Variants in CEP83 observed in about 807,000 individuals in gnomAD.
CEP83 encodes the protein centrosomal protein of 83 kDa.
Under a neutral mutation model 101.9 loss-of-function variants are expected in CEP83, and 70 were observed. The observed-to-expected ratio is 0.69, with a 90% CI of 0.57 to 0.84. CEP83 has a LOEUF of 0.84. Ranked by LOEUF, CEP83 falls within the 40% of genes least tolerant of loss-of-function variation. CEP83 has a pLI of 0.00. For synonymous variants in CEP83, 264 were observed against 267.9 expected, an observed-to-expected ratio of 0.99 and a Z score of 0.14; for missense variants, 715 against 787.2, an observed-to-expected ratio of 0.91 and a Z score of 1.10.
chr12:94,448,193 A>C (rs970743786), intron 1 of CEP83, among the ~76,000 whole-genome samples: 2 of 152,172 alleles, frequency 1.3e-5, no homozygotes, highest in Admixed American at 6.5e-5. Flanking sequence ...ATAGATTTTA[A>C]GATAAGAAAT....
chr12:94,280,789 G>T, the CEP83 span, among the ~76,000 whole-genome samples: 2 of 152,322 alleles, frequency 1.3e-5, no homozygotes, highest in South Asian at 4.1e-4. Flanking sequence ...CGACAGTCTT[G>T]GTCCTGCCGC....
intron 11 of CEP83, among the ~76,000 whole-genome samples, chr12:94,349,989 A>G (rs2060127679): frequency 6.6e-6 from 1 of 152,230 alleles, no homozygotes; most frequent in African/African-American, 2.4e-5. Flanking sequence ...GCTAACAGAA[A>G]TTAAAGAAGA....
intron 2 of CEP83, chr12:94,424,535 G>C: frequency 6.2e-7 from 1 of 1,613,584 alleles, no homozygotes; most frequent in Non-Finnish European, 8.5e-7. Flanking sequence ...CTCATCCATT[G>C]ACAGTGGGAG....
intron 4 of CEP83, 62 bp downstream of exon 4, chr12:94,411,631 CTACT>C: frequency 3.2e-6 from 4 of 1,239,604 alleles, no homozygotes; most frequent in Middle Eastern, 1.9e-4. Context: ...TTCACCAAAA[CTACT>C]TACTTCCACT....
intron 12 of CEP83, among the ~76,000 whole-genome samples, chr12:94,333,940 A>C (rs1206811324): frequency 4.6e-5 from 7 of 152,084 alleles, no homozygotes; most frequent in Admixed American, 4.6e-4. Context: ...ATTAGCAGTG[A>C]GATGAGAAAA....
At chr12:94,317,544 T>C (rs1970907933) in intron 14 of CEP83, among the ~76,000 whole-genome samples, 1 of 152,202 alleles carries the variant, frequency 6.6e-6, no homozygotes, top group Non-Finnish European at 1.5e-5. Context: ...TTTATAGTTT[T>C]GGATTTTACA....
chr12:94,340,148 C>A (rs1249834110), intron 11 of CEP83, among the ~76,000 whole-genome samples: 2 of 152,024 alleles, frequency 1.3e-5, no homozygotes, highest in African/African-American at 4.8e-5. Flanking sequence ...AACAGAAAGC[C>A]CCAAATGGGA....
intron 14 of CEP83, among the ~76,000 whole-genome samples, chr12:94,322,370 G>C (rs1034072074): frequency 6.6e-6 from 1 of 151,880 alleles, no homozygotes; most frequent in Non-Finnish European, 1.5e-5. Context: ...TGGAAACCCT[G>C]GTCAAAAGGT....
At chr12:94,313,527 TA>T (rs58864740) in intron 14 of CEP83, among the ~76,000 whole-genome samples, 38,168 of 95,486 alleles carry the variant, frequency 0.4, 6,509 homozygotes, top group East Asian at 0.54. Flanking sequence ...AAGAACCCAT[TA>T]AAAAAAAAAA....
At chr12:94,328,438 A>G (rs1593179096) in intron 14 of CEP83, 1 of 155,006 alleles carries the variant, frequency 6.5e-6, no homozygotes, top group Admixed American at 6.5e-5. Context: ...GAGCCATCTT[A>G]CCCAGCCTCA....
chr12:94,417,391 CCT>C (rs1164280089), intron 2 of CEP83, among the ~76,000 whole-genome samples: 1 of 152,052 alleles, frequency 6.6e-6, no homozygotes, highest in Non-Finnish European at 1.5e-5. Context: ...GGTAGTATGC[CCT>C]CTTTCCTCTA....
chr12:94,411,197 G>C (rs1365123043), intron 4 of CEP83, among the ~76,000 whole-genome samples: 2 of 152,088 alleles, frequency 1.3e-5, no homozygotes, highest in South Asian at 2.1e-4. Flanking sequence ...ATGATCTAAA[G>C]AAACTGTACT....
At chr12:94,271,244 T>C in the CEP83 span, among the ~76,000 whole-genome samples, 5 of 152,214 alleles carry the variant, frequency 3.3e-5, no homozygotes, top group Non-Finnish European at 5.9e-5. Flanking sequence ...TAATAAATTA[T>C]CTTACAGTTA....
At chr12:94,276,818 C>G in the CEP83 span, 2 of 152,246 alleles carry the variant, frequency 1.3e-5, no homozygotes, top group Non-Finnish European at 2.9e-5. Context: ...GGCCTTTGAA[C>G]CCCTTCCTAG....
rs1000135083 is a variant in CEP83 at position 94,449,782 on chromosome 12, A to T, written c.-155+9775T>A. Reference sequence around the variant, plus strand: ...AGCAAGAGTCTGTCTCAAACAATAAAAAAAAAAAAAAAAAAAAAAAAAAAA... The same window carrying T: ...AGCAAGAGTCTGTCTCAAACAATAATAAAAAAAAAAAAAAAAAAAAAAAAA... On this transcript the variant is annotated intron_variant, in intron 1 of 16. Coordinates refer to ENST00000397809, the MANE Select transcript of CEP83 (RefSeq NM_016122.3). Among the ~76,000 whole-genome samples the T allele has an allele frequency of 3.2e-5, 4 of 125,984 alleles. No individual in the cohort carries two copies. In the East Asian group the frequency reaches 9.2e-4, roughly 29 times the overall value. The allele number at this position is 125,984 out of a possible 152,430, so 82.7% of individuals were successfully genotyped here.
intron 2 of CEP83, among the ~76,000 whole-genome samples, chr12:94,413,861 CACACAT>C (rs778825074): frequency 4.8e-4 from 70 of 147,146 alleles, no homozygotes; most frequent in Non-Finnish European, 7.7e-4. Flanking sequence ...CACACACACA[CACACAT>C]ACATACATAT....
chr12:94,307,142 T>C (rs1969121968), downstream of CEP83: 1 of 152,228 alleles, frequency 6.6e-6, no homozygotes, highest in African/African-American at 2.4e-5. Context: ...TGTCCAGCTT[T>C]CTGGCACATG....
intron 11 of CEP83, among the ~76,000 whole-genome samples, chr12:94,363,135 A>G (rs1326329377): frequency 6.6e-6 from 1 of 152,242 alleles, no homozygotes; most frequent in East Asian, 1.9e-4. Flanking sequence ...GACTACAGTT[A>G]GCACTAATTT....
the CEP83 span, among the ~76,000 whole-genome samples, chr12:94,301,380 T>C: frequency 1.9e-4 from 29 of 152,350 alleles, no homozygotes; most frequent in East Asian, 7.7e-4. Flanking sequence ...TATGCAACCA[T>C]TGAAATTTGC....
Sources: gnomAD v4.1 joint callset for allele counts (sites outside exome capture counted in the v4.1 genomes callset) on GRCh38, gnomAD v4.1.1 for gene constraint, MANE v1.5 for transcripts, NCBI Gene and HGNC (gene_info 2026-07-23, HGNC 2026-07-21) for gene names.